The following ZNF536 variants were observed in gnomAD, a reference collection of about 807,000 sequenced individuals.
ZNF536 encodes the protein zinc finger protein 536.
A neutral mutation model predicts 84.5 loss-of-function variants in ZNF536; 13 were observed. The ratio of observed to expected loss-of-function variants is 0.15; its 90% CI spans 0.10 to 0.24. The LOEUF (loss-of-function observed/expected upper bound fraction) is 0.24, where lower values mean the gene tolerates loss of function less well. Ranked by LOEUF, ZNF536 falls within the 10% of genes least tolerant of loss-of-function variation. The pLI is 1.00. For synonymous variants in ZNF536, 811 were observed against 742.5 expected (o/e 1.09, Z -1.50); for missense variants, 1,536 against 1,747.5 (o/e 0.88, Z 2.16).
intron 1 of ZNF536, among the ~76,000 whole-genome samples, chr19:30,602,835 C>T (rs777586985): frequency 6.6e-6 from 1 of 152,134 alleles, no homozygotes; most frequent in Non-Finnish European, 1.5e-5. Context: ...AGGGAGCAAG[C>T]GGCTGGCTGG....
chr19:30,311,647 C>A (rs1185875526), intron 2 of ZNF536, among the ~76,000 whole-genome samples: 1 of 152,316 alleles, frequency 6.6e-6, no homozygotes, highest in Non-Finnish European at 1.5e-5. Context: ...CCCACCCCCA[C>A]TCTCTCATTC....
intron 1 of ZNF536, among the ~76,000 whole-genome samples, chr19:30,641,508 AT>A (rs2049266496): frequency 6.6e-6 from 1 of 152,220 alleles, no homozygotes; most frequent in Non-Finnish European, 1.5e-5. Flanking sequence ...CTACACTAAA[AT>A]ATCATTATAT....
At chr19:30,653,837 AG>A (rs1044383507) in intron 1 of ZNF536, among the ~76,000 whole-genome samples, 71 of 152,276 alleles carry the variant, frequency 4.7e-4, no homozygotes, top group African/African-American at 1.7e-3. Context: ...CCAGGAAAAG[AG>A]GGTCACTTCC....
chr19:30,255,338 A>T (rs2024855478), intron 1 of ZNF536, among the ~76,000 whole-genome samples: 1 of 152,004 alleles, frequency 6.6e-6, no homozygotes, highest in African/African-American at 2.4e-5. Context: ...TTGCGGGGAG[A>T]TAGTTGCAGC....
At chr19:30,694,980 T>A (rs1210006453) in intron 1 of ZNF536, among the ~76,000 whole-genome samples, 1 of 152,154 alleles carries the variant, frequency 6.6e-6, no homozygotes, top group African/African-American at 2.4e-5. Context: ...AGCTACCCAG[T>A]ATGTCAAGGT....
At chr19:30,456,333 G>A (rs1182624164) in intron 2 of ZNF536, among the ~76,000 whole-genome samples, 1 of 115,708 alleles carries the variant, frequency 8.6e-6, no homozygotes, top group Non-Finnish European at 1.7e-5. Flanking sequence ...TTTTTTGCCT[G>A]AGATGCAACC....
At chr19:30,254,551 CAG>C (rs1482897205) in intron 1 of ZNF536, among the ~76,000 whole-genome samples, 1 of 141,994 alleles carries the variant, frequency 7.0e-6, no homozygotes, top group Non-Finnish European at 1.5e-5. Flanking sequence ...AAGTCTCTTC[CAG>C]AGAGTTGTCT....
intron 1 of ZNF536, among the ~76,000 whole-genome samples, chr19:30,568,025 T>C (rs953575607): frequency 1.3e-5 from 2 of 152,304 alleles, no homozygotes; most frequent in African/African-American, 2.4e-5. Context: ...TTAGGGCTAT[T>C]ATGATAATTA....
At chr19:30,512,886 C>G (rs927818029) in intron 2 of ZNF536, among the ~76,000 whole-genome samples, 8 of 152,142 alleles carry the variant, frequency 5.3e-5, no homozygotes, top group Non-Finnish European at 1.0e-4. Context: ...ATGAACCAGG[C>G]GTTCACAAAG....
chr19:30,362,973 C>T (rs1269851037), intron 3 of ZNF536, among the ~76,000 whole-genome samples: 3 of 151,920 alleles, frequency 2.0e-5, no homozygotes, highest in African/African-American at 7.3e-5. Flanking sequence ...GCCAGAGAAT[C>T]GCTTGAACCC....
At chr19:30,578,605 C>A (rs147515231) in intron 1 of ZNF536, among the ~76,000 whole-genome samples, 1 of 152,380 alleles carries the variant, frequency 6.6e-6, no homozygotes, top group African/African-American at 2.4e-5. Context: ...GGGCACTGCT[C>A]ATGCAATGGA....
chr19:30,654,422 A>C (rs1600161381), intron 1 of ZNF536, among the ~76,000 whole-genome samples: 4 of 120,948 alleles, frequency 3.3e-5, no homozygotes, highest in South Asian at 2.6e-4. Context: ...CCCCTTATTC[A>C]CCCCATCCCC....
chr19:30,566,484 A>T (rs2046350500), intron 1 of ZNF536, among the ~76,000 whole-genome samples: 1 of 152,234 alleles, frequency 6.6e-6, no homozygotes, highest in Non-Finnish European at 1.5e-5. Flanking sequence ...AAACCCAAGG[A>T]TGTGGATGGA....
intron 2 of ZNF536, among the ~76,000 whole-genome samples, chr19:30,530,301 C>T (rs530817612): frequency 6.6e-6 from 1 of 151,968 alleles, no homozygotes; most frequent in South Asian, 2.1e-4. Context: ...ATCACAGATG[C>T]AATTTTTGTA....
intron 2 of ZNF536, among the ~76,000 whole-genome samples, chr19:30,308,130 G>T (rs1335674926): frequency 6.6e-6 from 1 of 152,206 alleles, no homozygotes; most frequent in East Asian, 1.9e-4. Flanking sequence ...CAAGGGAGGT[G>T]TCAGCCCTCA....
chr19:30,604,114 G>A (rs1183948313), intron 1 of ZNF536, among the ~76,000 whole-genome samples: 2 of 152,100 alleles, frequency 1.3e-5, no homozygotes, highest in African/African-American at 4.8e-5. Context: ...GTGTGCACAG[G>A]GTAAACCACA....
chr19:30,323,123 G>T (rs2046911772), intron 2 of ZNF536, among the ~76,000 whole-genome samples: 1 of 151,648 alleles, frequency 6.6e-6, no homozygotes, highest in Admixed American at 6.6e-5. Context: ...ACTCCCCAGG[G>T]CCAGGGAGCT....
chr19:30,623,636 A>G (rs1238758221), intron 1 of ZNF536, among the ~76,000 whole-genome samples: 1 of 151,966 alleles, frequency 6.6e-6, no homozygotes, highest in Non-Finnish European at 1.5e-5. Flanking sequence ...TTGATCCCTC[A>G]CCTTTTCTGG....
At chr19:30,503,894 GTCTTTCTT>G (rs142328524) in intron 2 of ZNF536, among the ~76,000 whole-genome samples, 14 of 150,440 alleles carry the variant, frequency 9.3e-5, no homozygotes, top group South Asian at 2.1e-4. Flanking sequence ...TTTGGGGTTT[GTCTTTCTT>G]TCTTTCTTTC....
Sources: gnomAD v4.1 joint callset for allele counts (sites outside exome capture counted in the v4.1 genomes callset) on GRCh38, gnomAD v4.1.1 for gene constraint, MANE v1.5 for transcripts, NCBI Gene and HGNC (gene_info 2026-07-23, HGNC 2026-07-21) for gene names.